MMP24: variants seen among roughly 807,000 people sequenced by gnomAD.
MMP24 encodes matrix metalloproteinase-24.
MMP24 carries 25 observed loss-of-function variants against 62.8 expected under a neutral mutation model. The ratio of observed to expected loss-of-function variants is 0.40; its 90% CI spans 0.29 to 0.56. The LOEUF (loss-of-function observed/expected upper bound fraction) is 0.56. Ranked by LOEUF, MMP24 falls within the 20% of genes least tolerant of loss-of-function variation. The pLI is 0.50. For synonymous variants in MMP24, 319 were observed against 350.5 expected (o/e 0.91, Z 1.00); for missense variants, 634 against 853.6 (o/e 0.74, Z 3.21).
At chr20:35,273,836 G>A (rs1393217016) in intron 8 of MMP24, among the ~76,000 whole-genome samples, 1 of 152,220 alleles carries the variant, frequency 6.6e-6, no homozygotes, top group Non-Finnish European at 1.5e-5. Context: ...CATAATTGCA[G>A]AGAGGTCTTG....
Position 35,275,764 on chromosome 20 carries a change from A to C in MMP24, c.*1155A>C. 1 of 367,062 alleles carries C rather than the reference A, an allele frequency of 2.7e-6. No homozygotes were observed. Among genetic ancestry groups the C allele is most frequent in the Non-Finnish European group, 4.8e-6 (1 of 206,358 alleles). 22.7% of individuals were successfully genotyped at this position (367,062 alleles called of 1,614,324 possible). On this transcript the variant is annotated 3_prime_UTR_variant, in exon 9 of 9. Coordinates refer to ENST00000246186, the MANE Select transcript of MMP24 (RefSeq NM_006690.4). ...CCGACTCAATCTCTCGGCTGGAAGC[A>C]GTGTTTTCCCAGAGCTTGGCCCTTG... is the stretch of plus-strand genomic sequence containing the variant.
intron 1 of MMP24, among the ~76,000 whole-genome samples, chr20:35,234,955 G>A (rs887751525): frequency 6.6e-6 from 1 of 152,186 alleles, no homozygotes; most frequent in Non-Finnish European, 1.5e-5. Flanking sequence ...ACATTGTAAG[G>A]GTTGTTGTGT....
intron 1 of MMP24, among the ~76,000 whole-genome samples, chr20:35,236,688 C>T (rs1039119564): frequency 1.3e-5 from 2 of 151,944 alleles, no homozygotes; most frequent in Non-Finnish European, 2.9e-5. Context: ...TAAAAATCAC[C>T]AAGGGCTGGG....
Position 35,254,585 on chromosome 20 carries a change from G to C in MMP24, c.648G>C (p.Lys216Asn), listed in dbSNP as rs759245596. Reference sequence around the variant, plus strand: ...ACCATGAGATCAAAAGTGACCGGAAGGAGGCAGACATCATGATCTTTTTTG... The same window carrying C: ...ACCATGAGATCAAAAGTGACCGGAACGAGGCAGACATCATGATCTTTTTTG... ...VPYHEIKSDRKEADIMIFFAS... is the reference protein window; with the variant it reads ...VPYHEIKSDRNEADIMIFFAS... Residue 216 changes from lysine (K) to asparagine (N), a missense_variant, in exon 4 of 9, where the codon AAG becomes AAC. Lys to Asn is a moderately conservative substitution (Grantham distance 94). Around this residue, in one of 3 missense-constraint regions of MMP24, gnomAD observed 212 missense variants for 259.6 expected, o/e 0.82. Coordinates refer to ENST00000246186, the MANE Select transcript of MMP24 (RefSeq NM_006690.4). The C allele has an allele frequency of 5.6e-6, 9 of 1,613,960 alleles. No individual in the cohort carries two copies. In the African/African-American group the frequency reaches 1.1e-4, roughly 19 times the overall value.
At chr20:35,242,846 G>A (rs2060495755) in intron 1 of MMP24, among the ~76,000 whole-genome samples, 1 of 152,140 alleles carries the variant, frequency 6.6e-6, no homozygotes, top group Non-Finnish European at 1.5e-5. Context: ...TTGGTCCAAG[G>A]AGCACATGGG....
In MMP24 at chr20:35,269,650, C is replaced by G; in HGVS notation, c.1195-110C>G. The G allele has an allele frequency of 1.5e-6, 2 of 1,310,826 alleles. No individual in the cohort carries two copies. Among genetic ancestry groups the G allele is most frequent in the Non-Finnish European group, 2.1e-6 (2 of 971,442 alleles). 81.2% of individuals were successfully genotyped at this position (1,310,826 alleles called of 1,614,324 possible). A position where few individuals can be genotyped will look rare whatever the true frequency, so the allele number is the denominator to read the frequency against. On this transcript the variant is annotated intron_variant, in intron 6 of 8. Transcript: ENST00000246186. This position sits in a 1 kb window ranked among gnomAD's most constrained non-coding sequence, Gnocchi z 4.6. ...TTAAAAGTCAGAAGCAGCTAATGGA[C>G]AGTCTCGGTGGAGGGCTGGGCTGTT... is the stretch of plus-strand genomic sequence containing the variant.
chr20:35,265,111 G>C (rs1166089451), intron 5 of MMP24, among the ~76,000 whole-genome samples: 1 of 152,214 alleles, frequency 6.6e-6, no homozygotes, highest in African/African-American at 2.4e-5. Context: ...TGAGAGGAAG[G>C]AGGGAGGGTC....
At chr20:35,260,639 G>A (rs898373059) in intron 4 of MMP24, among the ~76,000 whole-genome samples, 2 of 152,240 alleles carry the variant, frequency 1.3e-5, no homozygotes, top group African/African-American at 4.8e-5. Context: ...CTGCCAGAGG[G>A]GCCAGGACCT....
Position 35,274,044 on chromosome 20 carries a change from C to T in MMP24, c.1601-228C>T, listed in dbSNP as rs558861346. Reference sequence around the variant, plus strand: ...ACCATGTCCCAGTTCTCCCTGAAGCCCCTCTGGTTTCCTAGCACCCGTAGG... The same window carrying T: ...ACCATGTCCCAGTTCTCCCTGAAGCTCCTCTGGTTTCCTAGCACCCGTAGG... On this transcript the variant is annotated intron_variant, in intron 8 of 8. Coordinates refer to ENST00000246186, the MANE Select transcript of MMP24 (RefSeq NM_006690.4). This position sits in a 1 kb window ranked among gnomAD's most constrained non-coding sequence, Gnocchi z 5.1. 3.5e-4 allele frequency among the ~76,000 whole-genome samples: 54 copies of T among 152,258 alleles called. No individual in the cohort carries two copies. The highest frequency in any genetic ancestry group is 6.2e-4 in the Non-Finnish European group (42 of 68,010).
chr20:35,266,301 T>A (rs2378346), intron 5 of MMP24, among the ~76,000 whole-genome samples: 5 of 141,242 alleles, frequency 3.5e-5, no homozygotes, highest in Middle Eastern at 4.2e-3. Flanking sequence ...GCAGTGAGCT[T>A]AGATCACGCC....
intron 8 of MMP24, among the ~76,000 whole-genome samples, chr20:35,272,854 C>T (rs936124094): frequency 6.6e-6 from 1 of 152,090 alleles, no homozygotes; most frequent in African/African-American, 2.4e-5. Flanking sequence ...CAGTACCTAC[C>T]TTTATATAAT....
intron 4 of MMP24, among the ~76,000 whole-genome samples, chr20:35,255,621 TCACA>T: frequency 6.6e-6 from 1 of 152,306 alleles, no homozygotes; most frequent in East Asian, 1.9e-4. Context: ...CAATATTTAC[TCACA>T]AGGCACATGC....
At chr20:35,253,558 G>A (rs1001286809) in intron 3 of MMP24, among the ~76,000 whole-genome samples, 1 of 152,062 alleles carries the variant, frequency 6.6e-6, no homozygotes, top group Admixed American at 6.5e-5. Context: ...GTGTGGAGTA[G>A]GTAGAATAAT....
chr20:35,227,014 G>A (rs2060416638), intron 1 of MMP24, 30 bp downstream of exon 1: 1 of 980,360 alleles, frequency 1.0e-6, no homozygotes, highest in Non-Finnish European at 1.2e-6. Context: ...CCGGGGCGCG[G>A]GCTCGGGGCA....
intron 1 of MMP24, among the ~76,000 whole-genome samples, chr20:35,236,509 G>A (rs542534918): frequency 6.6e-6 from 1 of 152,326 alleles, no homozygotes; most frequent in African/African-American, 2.4e-5. Flanking sequence ...CAGCAAGGCT[G>A]GGACCTCAGT....
At chr20:35,227,012 C>T (rs2060416603) in intron 1 of MMP24, 28 bp downstream of exon 1, 11 of 978,938 alleles carry the variant, frequency 1.1e-5, no homozygotes, top group African/African-American at 1.8e-5. Context: ...GGCCGGGGCG[C>T]GGGCTCGGGG....
chr20:35,265,420 C>T (rs535884277), intron 5 of MMP24, among the ~76,000 whole-genome samples: 21 of 149,398 alleles, frequency 1.4e-4, no homozygotes, highest in Admixed American at 2.7e-4. Context: ...CCAGCCTAGG[C>T]GACAGAGTGA....
chr20:35,275,740 C>T lies in MMP24; in HGVS notation c.*1131C>T, dbSNP rs182483533. 6.2e-6 allele frequency: 2 copies of T among 324,684 alleles called. No individual in the cohort carries two copies. The highest frequency in any genetic ancestry group is 5.6e-6 in the Non-Finnish European group (1 of 179,586). The allele number at this position is 324,684 out of a possible 1,614,324, so 20.1% of individuals were successfully genotyped here. A position where few individuals can be genotyped will look rare whatever the true frequency, so the allele number is the denominator to read the frequency against. On this transcript the variant is annotated 3_prime_UTR_variant, in exon 9 of 9. Coordinates refer to ENST00000246186, the MANE Select transcript of MMP24 (RefSeq NM_006690.4). ...AGGCCGACTCCAGCTACTCTGAGGC[C>T]GACTCAATCTCTCGGCTGGAAGCAG... is the stretch of plus-strand genomic sequence containing the variant.
At position 35,276,482 on chromosome 20, in the gene MMP24, C is replaced by T. The variant is rs1482561953; in HGVS notation, c.*1873C>T. 2.5e-6 allele frequency: 1 copy of T among 394,470 alleles called. No homozygotes were observed. The highest frequency in any genetic ancestry group is 4.5e-6 in the Non-Finnish European group (1 of 223,626). 24.4% of individuals were successfully genotyped at this position (394,470 alleles called of 1,614,324 possible). A position where few individuals can be genotyped will look rare whatever the true frequency, so the allele number is the denominator to read the frequency against. ...AAGCACAGAGAGGTTGTTACTTGCCCGGGCCATCCAGTGGGCTGGCTGGGT... is the reference window on the plus strand; with the variant it reads ...AAGCACAGAGAGGTTGTTACTTGCCTGGGCCATCCAGTGGGCTGGCTGGGT... On this transcript the variant is annotated 3_prime_UTR_variant, in exon 9 of 9. Transcript: ENST00000246186.
Sources: gnomAD v4.1 joint callset for allele counts (sites outside exome capture counted in the v4.1 genomes callset) on GRCh38, gnomAD v4.1.1 for gene constraint, gnomAD v4.1.1 regional missense constraint, Gnocchi (gnomAD v3.1) non-coding constraint, MANE v1.5 for transcripts, NCBI Gene and HGNC (gene_info 2026-07-23, HGNC 2026-07-21) for gene names.